FAM53A: variants seen among roughly 807,000 people sequenced by gnomAD.
The protein encoded by FAM53A is family with sequence similarity 53 member A, also known as protein FAM53A.
In FAM53A, 28 loss-of-function variants were observed where a neutral mutation model predicts 26.6. The ratio of observed to expected loss-of-function variants is 1.05; its 90% CI spans 0.78 to 1.45. The LOEUF is 1.45. FAM53A is among the 40% of genes most tolerant of loss of function. FAM53A has a pLI of 0.00. For synonymous variants in FAM53A, 290 were observed against 253.1 expected, an observed-to-expected ratio of 1.15 and a Z score of -1.38; for missense variants, 650 against 575.8, an observed-to-expected ratio of 1.13 and a Z score of -1.32.
At chr4:1,628,741 GA>G (rs1321983270) in intron 1 of FAM53A, among the ~76,000 whole-genome samples, 5 of 9,028 alleles carry the variant, frequency 5.5e-4, no homozygotes, top group Non-Finnish European at 8.6e-4. Flanking sequence ...GCATGGGGGG[GA>G]GGGTGCCATG....
At chr4:1,637,734 G>A (rs1715910951), downstream of FAM53A, among the ~76,000 whole-genome samples, 2 of 152,112 alleles carry the variant, frequency 1.3e-5, no homozygotes, top group Admixed American at 1.3e-4. Flanking sequence ...TGGGACTGAG[G>A]AGTGGCCTCA....
Position 1,655,064 on chromosome 4 carries a change from T to C in FAM53A, c.796A>G (p.Ser266Gly), listed in dbSNP as rs1428342553. 3.8e-6 allele frequency: 6 copies of C among 1,599,402 alleles called. No homozygotes were observed. The highest frequency in any genetic ancestry group is 4.5e-5 in the East Asian group (2 of 44,250). ...LRCRSQPCVL[S>G]GKRSRRKRRR... ...CGTTTGCGCCGGCTCCTCTTCCCAC[T>C]GAGCACGCAAGGCTGTGAGCGGCAC... is the stretch of plus-strand genomic sequence containing the variant. Residue 266 changes from serine (S) to glycine (G), a missense_variant, in exon 4 of 5, where the codon AGT (serine) becomes GGT (glycine). By Grantham distance (56) the Ser-to-Gly change is moderately conservative. Transcript: ENST00000308132.
chr4:1,679,505 G>A (rs1363170529), intron 1 of FAM53A, among the ~76,000 whole-genome samples: 1 of 147,862 alleles, frequency 6.8e-6, no homozygotes, highest in Non-Finnish European at 1.5e-5. Context: ...GGCCAATGTG[G>A]TGAAACCCCA....
the FAM53A span, among the ~76,000 whole-genome samples, chr4:1,575,291 C>G: frequency 2.0e-4 from 31 of 152,230 alleles, no homozygotes; most frequent in Admixed American, 2.0e-3. Context: ...CTCCACCACA[C>G]CCCAAGTCTC....
rs1715562225 is a variant in FAM53A, at chr4:1,630,393, GTCGGGGAGT to G, written c.432-12291_432-12283del. 6.6e-6 allele frequency among the ~76,000 whole-genome samples: 1 copy of G among 152,242 alleles called. No individual in the cohort carries two copies. Among genetic ancestry groups the G allele is most frequent in the Admixed American group, 6.5e-5 (1 of 15,288 alleles). On this transcript the variant is annotated intron_variant, in intron 1 of 1. Coordinates refer to the FAM53A transcript ENST00000489029. This position sits in a 1 kb window ranked among gnomAD's most constrained non-coding sequence, Gnocchi z 4.3. ...ACAGCCAAGGTCTACACAAATGCAC[GTCGGGGAGT>G]TCCCATCAAACTCTACGGAAACAGG... is the stretch of plus-strand genomic sequence containing the variant.
chr4:1,591,323 G>T, the FAM53A span, among the ~76,000 whole-genome samples: 96 of 152,178 alleles, frequency 6.3e-4, no homozygotes, highest in African/African-American at 2.2e-3. Context: ...TTGCATTAGG[G>T]TTTATTTCTG....
intron 1 of FAM53A, among the ~76,000 whole-genome samples, chr4:1,677,651 A>C (rs1003550653): frequency 1.3e-5 from 2 of 152,044 alleles, no homozygotes; most frequent in African/African-American, 4.8e-5. Context: ...CTCTCCATTC[A>C]CACAGAGAGG....
At chr4:1,646,673 G>T (rs907529484) in intron 4 of FAM53A, among the ~76,000 whole-genome samples, 1 of 152,130 alleles carries the variant, frequency 6.6e-6, no homozygotes. Flanking sequence ...AAAACGCAGC[G>T]GGCCTGAAGG....
At chr4:1,629,769 G>A (rs1039383813) in intron 1 of FAM53A, among the ~76,000 whole-genome samples, 1 of 152,206 alleles carries the variant, frequency 6.6e-6, no homozygotes, top group African/African-American at 2.4e-5. Context: ...GATCGTTTGA[G>A]TCTCCGAAGG....
the FAM53A span, among the ~76,000 whole-genome samples, chr4:1,599,844 T>C: frequency 5.8e-3 from 890 of 152,198 alleles, 11 homozygotes; most frequent in African/African-American, 0.02. This position sits in a 1 kb window ranked among gnomAD's most constrained non-coding sequence, Gnocchi z 6.1. Context: ...GAGTGTTGGC[T>C]CCCAGGAAAG....
At chr4:1,651,552 G>A (rs1712784088) in intron 4 of FAM53A, among the ~76,000 whole-genome samples, 1 of 151,048 alleles carries the variant, frequency 6.6e-6, no homozygotes, top group Non-Finnish European at 1.5e-5. Context: ...AAAAAAGATG[G>A]AGATTAGAGG....
At chr4:1,620,801 A>G (rs1481303564) in intron 1 of FAM53A, among the ~76,000 whole-genome samples, 4 of 152,146 alleles carry the variant, frequency 2.6e-5, no homozygotes, top group African/African-American at 9.7e-5. Context: ...AGCAACACCA[A>G]AACACAACAC....
chr4:1,631,418 C>G (rs1341088603), intron 1 of FAM53A, among the ~76,000 whole-genome samples: 1 of 152,240 alleles, frequency 6.6e-6, no homozygotes, highest in African/African-American at 2.4e-5. Flanking sequence ...ATGCTAACCT[C>G]TGAGAGTCCA....
chr4:1,636,885 G>T (rs187005299), downstream of FAM53A, among the ~76,000 whole-genome samples: 115 of 89,840 alleles, frequency 1.3e-3, no homozygotes, highest in East Asian at 0.01. Flanking sequence ...TGCTCTTGCT[G>T]GGGGGGGGTC....
intron 3 of FAM53A, 98 bp downstream of exon 3, chr4:1,657,310 G>T: frequency 8.9e-7 from 1 of 1,126,606 alleles, no homozygotes; most frequent in Non-Finnish European, 1.3e-6. Flanking sequence ...CTGGGCTTCT[G>T]CAGATCCGGC....
At chr4:1,597,841 C>T in the FAM53A span, among the ~76,000 whole-genome samples, 1 of 152,214 alleles carries the variant, frequency 6.6e-6, no homozygotes, top group Non-Finnish European at 1.5e-5. Context: ...ACTAAAAGTA[C>T]AAAAATTCGC....
At position 1,655,495 on chromosome 4, in the gene FAM53A, C is replaced by T. The variant is rs374832483; in HGVS notation, c.365G>A (p.Arg122Gln). The T allele has an allele frequency of 8.9e-6, 14 of 1,574,152 alleles. No homozygotes were observed. The highest frequency in any genetic ancestry group is 2.7e-5 in the African/African-American group (2 of 73,198). The stretch of plus-strand genomic sequence containing the variant: ...AAGCTCCTCGGGTTCTGACAAGGAC[C>T]GGCAATGCCGCTTGGTCGGTGGGGC... ...STAPPTKRHC[R>Q]SLSEPEELVR... The change falls in exon 4 of 5, where the codon CGG (arginine) becomes CAG (glutamine). Residue 122 changes from arginine to glutamine, a missense_variant. Arg to Gln is a conservative substitution (Grantham distance 43, BLOSUM62 1). Coordinates refer to ENST00000308132, the MANE Select transcript of FAM53A (RefSeq NM_001174070.3).
At chr4:1,597,176 G>A in the FAM53A span, among the ~76,000 whole-genome samples, 7 of 152,050 alleles carry the variant, frequency 4.6e-5, no homozygotes, top group East Asian at 1.9e-4. Context: ...CACAGACACC[G>A]GGCACCCCTG....
At chr4:1,684,079 G>C (rs947161398) in intron 1 of FAM53A, 154 bp downstream of exon 1, 2 of 152,098 alleles carry the variant, frequency 1.3e-5, no homozygotes, top group African/African-American at 4.8e-5. Flanking sequence ...GGGGGACGTA[G>C]TCCACGCGCC....
Sources: gnomAD v4.1 joint callset for allele counts (sites outside exome capture counted in the v4.1 genomes callset) on GRCh38, gnomAD v4.1.1 for gene constraint, Gnocchi (gnomAD v3.1) non-coding constraint, MANE v1.5 for transcripts, NCBI Gene and HGNC (gene_info 2026-07-23, HGNC 2026-07-21) for gene names.